PLCB1: variants seen among roughly 807,000 people sequenced by gnomAD.
PLCB1 encodes the protein 1-phosphatidylinositol 4,5-bisphosphate phosphodiesterase beta-1.
A neutral mutation model predicts 161.8 loss-of-function variants in PLCB1; 46 were observed. The observed-to-expected ratio is 0.28, with a 90% CI of 0.22 to 0.36. The LOEUF (loss-of-function observed/expected upper bound fraction) is 0.36. PLCB1 is among the 10% of genes least tolerant of loss of function. The pLI, the probability that PLCB1 is intolerant of heterozygous loss-of-function variation, is 1.00. For missense variants in PLCB1, 1,016 were observed against 1,472.5 expected, an observed-to-expected ratio of 0.69 and a Z score of 5.07; for synonymous variants, 517 against 503.7, an observed-to-expected ratio of 1.03 and a Z score of -0.35.
chr20:8,804,605 T>C (rs1984437326), intron 31 of PLCB1, among the ~76,000 whole-genome samples: 1 of 152,224 alleles, frequency 6.6e-6, no homozygotes, highest in African/African-American at 2.4e-5. Context: ...CTAATTTTAA[T>C]ATTTCCCCAA....
At chr20:8,468,140 A>G (rs1208298414) in intron 3 of PLCB1, among the ~76,000 whole-genome samples, 1 of 152,200 alleles carries the variant, frequency 6.6e-6, no homozygotes, top group Admixed American at 6.6e-5. Context: ...GTAAGTCAGA[A>G]TAGAGTTTTC....
At chr20:8,632,445 A>G (rs1421204655) in intron 4 of PLCB1, among the ~76,000 whole-genome samples, 1 of 152,162 alleles carries the variant, frequency 6.6e-6, no homozygotes, top group East Asian at 1.9e-4. Context: ...GAAAACAGAT[A>G]AAGACCCTTG....
rs2179479 is a variant in PLCB1 at position 8,736,879 on chromosome 20, A to G, written c.2044-149A>G. ...TCATAACCCATTAAGTGAAAGGGAA[A>G]TCATATTTCTACTCTTGCTTCTATT... On this transcript the variant is annotated intron_variant, in intron 19 of 31. Transcript: ENST00000338037. The G allele has an allele frequency of 0.64, 389,375 of 611,762 alleles. 126,497 individuals are homozygous for G. Among genetic ancestry groups the G allele is most frequent in the Non-Finnish European group, 0.67 (235,350 of 350,490 alleles). The allele number at this position is 611,762 out of a possible 1,614,324, so 37.9% of individuals were successfully genotyped here. A position where few individuals can be genotyped will look rare whatever the true frequency, so the allele number is the denominator to read the frequency against.
chr20:8,619,440 A>C (rs1988120159), intron 3 of PLCB1, among the ~76,000 whole-genome samples: 1 of 152,092 alleles, frequency 6.6e-6, no homozygotes, highest in African/African-American at 2.4e-5. Context: ...AAAAAGAAAA[A>C]AAGAAAAAGA....
At chr20:8,809,246 G>T (rs1173407493) in intron 31 of PLCB1, among the ~76,000 whole-genome samples, 2 of 152,016 alleles carry the variant, frequency 1.3e-5, no homozygotes, top group African/African-American at 4.8e-5. Context: ...AGCTCAAAGC[G>T]ATCGTCCCGC....
chr20:8,377,089 A>G (rs1471927617), intron 3 of PLCB1, among the ~76,000 whole-genome samples: 1 of 152,172 alleles, frequency 6.6e-6, no homozygotes, highest in Admixed American at 6.6e-5. Context: ...CAGTAGACCT[A>G]TCAGCAGGTT....
intron 30 of PLCB1, among the ~76,000 whole-genome samples, chr20:8,789,946 T>C (rs1407551279): frequency 6.6e-6 from 1 of 152,144 alleles, no homozygotes; most frequent in Admixed American, 6.5e-5. Context: ...TACATATTTA[T>C]AAAAAGGTAA....
chr20:8,676,676 AGT>A (rs755999787), intron 9 of PLCB1, among the ~76,000 whole-genome samples: 12,432 of 152,256 alleles, frequency 0.082, 691 homozygotes, highest in East Asian at 0.17. Context: ...ATCCCTCTGC[AGT>A]GATGCCTTAC....
chr20:8,575,238 A>C (rs558479570), intron 3 of PLCB1, among the ~76,000 whole-genome samples: 1 of 152,348 alleles, frequency 6.6e-6, no homozygotes, highest in African/African-American at 2.4e-5. Flanking sequence ...AGAGAGAAAG[A>C]AAATAGCTGT....
intron 2 of PLCB1, among the ~76,000 whole-genome samples, chr20:8,169,217 G>A (rs1011563302): frequency 2.6e-5 from 4 of 152,166 alleles, no homozygotes; most frequent in East Asian, 3.9e-4. Flanking sequence ...ACTTTGGGCT[G>A]TATGGAAGTT....
chr20:8,731,256 A>G (rs576527159), intron 18 of PLCB1, among the ~76,000 whole-genome samples: 115 of 152,074 alleles, frequency 7.6e-4, no homozygotes, highest in Admixed American at 2.0e-3. Flanking sequence ...TGATAATTTA[A>G]TACATTTATA....
intron 1 of PLCB1, among the ~76,000 whole-genome samples, chr20:8,138,428 A>G (rs955650359): frequency 2.0e-5 from 3 of 152,202 alleles, no homozygotes; most frequent in African/African-American, 7.2e-5. Flanking sequence ...GACTAACGCT[A>G]TGGGTCTCCA....
At chr20:8,563,516 T>C (rs905646831) in intron 3 of PLCB1, among the ~76,000 whole-genome samples, 1 of 152,032 alleles carries the variant, frequency 6.6e-6, no homozygotes, top group African/African-American at 2.4e-5. Flanking sequence ...CACAGTGCAA[T>C]ATGGAGAAGC....
chr20:8,781,248 T>C (rs1435193905), intron 27 of PLCB1, among the ~76,000 whole-genome samples: 1 of 152,162 alleles, frequency 6.6e-6, no homozygotes, highest in African/African-American at 2.4e-5. Context: ...TGAAAAATAA[T>C]TTAGCTTTCC....
chr20:8,440,613 G>A (rs1243128500), intron 3 of PLCB1, among the ~76,000 whole-genome samples: 3 of 152,094 alleles, frequency 2.0e-5, no homozygotes, highest in Admixed American at 6.6e-5. Context: ...GTATATTATG[G>A]CTAGAAAAGC....
chr20:8,635,377 A>G (rs1379550068), intron 4 of PLCB1, among the ~76,000 whole-genome samples: 1 of 152,198 alleles, frequency 6.6e-6, no homozygotes, highest in Non-Finnish European at 1.5e-5. Flanking sequence ...TCTTAGAGTC[A>G]TAGTGGCTTT....
chr20:8,613,724 T>G (rs549537197), intron 3 of PLCB1, among the ~76,000 whole-genome samples: 30 of 152,246 alleles, frequency 2.0e-4, no homozygotes, highest in Non-Finnish European at 4.0e-4. Flanking sequence ...CATGGTCTTG[T>G]AAGCATTTAT....
chr20:8,618,741 A>G (rs1177073524), intron 3 of PLCB1, among the ~76,000 whole-genome samples: 1 of 152,204 alleles, frequency 6.6e-6, no homozygotes, highest in Non-Finnish European at 1.5e-5. Flanking sequence ...GCACACACAC[A>G]CACACAAAGG....
intron 3 of PLCB1, among the ~76,000 whole-genome samples, chr20:8,479,583 A>G (rs540548404): frequency 2.0e-5 from 3 of 152,226 alleles, no homozygotes; most frequent in Admixed American, 2.0e-4. Context: ...CATCTATATT[A>G]CTCACTTTTA....
Sources: allele counts gnomAD v4.1 joint callset (sites outside exome capture counted in the v4.1 genomes callset), GRCh38; gene constraint gnomAD v4.1.1; transcripts MANE v1.5; gene names NCBI Gene and HGNC (gene_info 2026-07-23, HGNC 2026-07-21).